The following WDR77 variants were observed in gnomAD, a reference collection of about 807,000 sequenced individuals.
The protein encoded by WDR77 is WD repeat domain 77, also known as methylosome protein WDR77.
In WDR77, 31 loss-of-function variants were observed where a neutral mutation model predicts 44.0. The observed-to-expected ratio is 0.70, with a 90% CI of 0.53 to 0.95. The LOEUF (loss-of-function observed/expected upper bound fraction) is 0.95, where lower values mean the gene tolerates loss of function less well. WDR77 is among the 40% of genes least tolerant of loss of function. The pLI, the probability that WDR77 is intolerant of heterozygous loss-of-function variation, is 0.00. For missense variants in WDR77, 390 were observed against 423.9 expected, an observed-to-expected ratio of 0.92 and a Z score of 0.70; for synonymous variants, 186 against 165.7, an observed-to-expected ratio of 1.12 and a Z score of -0.94.
chr1:111,443,810 A>T (rs1652910924), intron 6 of WDR77, 57 bp downstream of exon 6: 2 of 1,612,302 alleles, frequency 1.2e-6, no homozygotes, highest in African/African-American at 1.3e-5. Context: ...GGCCAAAGAC[A>T]GTCTCTTCTA....
chr1:111,446,939 T>A, intron 4 of WDR77, 156 bp downstream of exon 4: 1 of 721,978 alleles, frequency 1.4e-6, no homozygotes, highest in Non-Finnish European at 2.3e-6. Flanking sequence ...AACAAGGAAA[T>A]TGAGAAAAGG....
Position 111,440,593 on chromosome 1 carries a change from G to C in WDR77, c.*637C>G, listed in dbSNP as rs1328126674. 1 of 152,202 alleles carries C rather than the reference G, an allele frequency of 6.6e-6. No individual in the cohort carries two copies. Among genetic ancestry groups the C allele is most frequent in the Non-Finnish European group, 1.5e-5 (1 of 68,052 alleles). 9.4% of individuals were successfully genotyped at this position (152,202 alleles called of 1,614,324 possible). A position where few individuals can be genotyped will look rare whatever the true frequency, so the allele number is the denominator to read the frequency against. ...TGTCCCATCACTAGGGAGCCAGGGG[G>C]AAGGGAGTGGGCATTACACAGGCAA... On this transcript the variant is annotated 3_prime_UTR_variant, in exon 10 of 10. Transcript: ENST00000235090.
At chr1:111,441,680 C>T (rs1652821723) in intron 9 of WDR77, 2 of 963,084 alleles carry the variant, frequency 2.1e-6, no homozygotes, top group East Asian at 3.4e-5. Flanking sequence ...CAATTCAGGT[C>T]TTCCAGGTGC....
Position 111,441,397 on chromosome 1 carries a change from A to G in WDR77, c.870-8T>C. 2 of 1,489,000 alleles carry G rather than the reference A, an allele frequency of 1.3e-6. No individual in the cohort carries two copies. Among genetic ancestry groups the G allele is most frequent in the Non-Finnish European group, 1.8e-6 (2 of 1,113,658 alleles). The allele number at this position is 1,489,000 out of a possible 1,614,324, so 92.2% of individuals were successfully genotyped here. ...TGGGCTTGGCTTCTAAACCTAGAAGAAAGAAAAAAAGTCGGGGCAGAGTAG... is the reference window on the plus strand; with the variant it reads ...TGGGCTTGGCTTCTAAACCTAGAAGGAAGAAAAAAAGTCGGGGCAGAGTAG... On this transcript the variant is annotated splice_polypyrimidine_tract_variant and splice_region_variant and intron_variant, in intron 9 of 9. Coordinates refer to ENST00000235090, the MANE Select transcript of WDR77 (RefSeq NM_024102.4).
Position 111,448,777 on chromosome 1 carries a change from C to T in WDR77, c.143G>A (p.Ser48Asn), listed in dbSNP as rs7416672. 6 of 1,596,418 alleles carry T rather than the reference C, an allele frequency of 3.8e-6. No homozygotes were observed. Among genetic ancestry groups the T allele is most frequent in the Non-Finnish European group, 5.1e-6 (6 of 1,170,958 alleles). The change falls in exon 2 of 10, where the codon AGC becomes AAC. Residue 48 changes from serine to asparagine, a missense_variant. Transcript: ENST00000235090. ...GCCGGCCCAGCAGCGCCCACTCAGG[C>T]TGGAGGCCCCGAGGAGAAGCGCCCC... The part of the protein sequence containing the change: ...SDGALLLGAS[S>N]LSGRCWAGSL...
chr1:111,448,660 G>A lies in WDR77; in HGVS notation c.260C>T (p.Thr87Ile), dbSNP rs761944340. The change falls in exon 2 of 10, where the codon ACT becomes ATT. Residue 87 changes from threonine (T) to isoleucine (I), a missense_variant. Coordinates refer to ENST00000235090, the MANE Select transcript of WDR77 (RefSeq NM_024102.4). ...TAGAATACCTCTCTCCCCAACCCAA[G>A]TGAGGTCAGCCACTCCAGCCTCCGT... Reference protein sequence around the residue: ...VQTEAGVADLTWVGERGILVA... With the variant: ...VQTEAGVADLIWVGERGILVA... The A allele has an allele frequency of 1.2e-6, 2 of 1,614,184 alleles. No individual in the cohort carries two copies. Among genetic ancestry groups the A allele is most frequent in the African/African-American group, 2.7e-5 (2 of 75,052 alleles).
chr1:111,446,712 G>A (rs1368995410), intron 4 of WDR77: 1 of 175,800 alleles, frequency 5.7e-6, no homozygotes, highest in Admixed American at 6.2e-5. Context: ...CCAACCGATG[G>A]TGGGAAAACA....
At chr1:111,443,489 T>G in intron 6 of WDR77, 95 bp from the exon 7 acceptor site, 1 of 1,372,512 alleles carries the variant, frequency 7.3e-7, no homozygotes, top group Non-Finnish European at 1.0e-6. Flanking sequence ...AGCACCTTTA[T>G]TTGATTTCCC....
chr1:111,442,660 G>C lies in WDR77; in HGVS notation c.793C>G (p.Pro265Ala). Residue 265 changes from proline (P) to alanine (A), a missense_variant, in exon 8 of 10, where the codon CCA becomes GCA. By Grantham distance (27) the Pro-to-Ala change is conservative. Coordinates refer to ENST00000235090, the MANE Select transcript of WDR77 (RefSeq NM_024102.4). ...SQCVTGLVFS[P>A]HSVPFLASLS... Reference sequence around the variant, plus strand: ...GATGACAAAGAACAGTACCTGTGTGGGGAGAACACCAGCCCAGTGACACAC... The same window carrying C: ...GATGACAAAGAACAGTACCTGTGTGCGGAGAACACCAGCCCAGTGACACAC... 1 of 1,574,274 alleles carries C rather than the reference G, an allele frequency of 6.4e-7. No homozygotes were observed. Among genetic ancestry groups the C allele is most frequent in the East Asian group, 2.3e-5 (1 of 43,890 alleles).
chr1:111,448,935 G>A (rs1365410322), intron 1 of WDR77, 120 bp downstream of exon 1: 3 of 1,539,184 alleles, frequency 1.9e-6, no homozygotes, highest in East Asian at 2.4e-5. Flanking sequence ...GGACAGCTCG[G>A]TGACGCGACC....
intron 7 of WDR77, 36 bp from the exon 8 acceptor site, chr1:111,442,797 A>G: frequency 1.4e-6 from 2 of 1,425,398 alleles, no homozygotes; most frequent in Non-Finnish European, 1.9e-6. Context: ...AGTGATTAAG[A>G]GCATGGACTT....
chr1:111,449,063 T>C lies in WDR77; in HGVS notation c.107A>G (p.Tyr36Cys). 6.3e-7 allele frequency: 1 copy of C among 1,590,868 alleles called. No homozygotes were observed. Among genetic ancestry groups the C allele is most frequent in the South Asian group, 1.1e-5 (1 of 87,804 alleles). The change falls in exon 1 of 10, where the codon TAC becomes TGC. Residue 36 changes from tyrosine (Y) to cysteine (C), a missense_variant. Coordinates refer to ENST00000235090, the MANE Select transcript of WDR77 (RefSeq NM_024102.4). ...CCGGGATCTCGGCTCACCGGACCGG[T>C]ACCGCGCAGCCTCCAACTGCCGTTC... The part of the protein sequence containing the change: ...CMERQLEAAR[Y>C]RSDGALLLGA...
chr1:111,446,950 A>G, intron 4 of WDR77, 145 bp downstream of exon 4: 1 of 784,704 alleles, frequency 1.3e-6, no homozygotes, highest in Non-Finnish European at 2.1e-6. Flanking sequence ...TGAGAAAAGG[A>G]CAAGGAGTAG....
chr1:111,441,386 A>C lies in WDR77; in HGVS notation c.873T>G (p.Phe291Leu), dbSNP rs527300883. 283 of 1,510,362 alleles carry C rather than the reference A, an allele frequency of 1.9e-4. 3 individuals are homozygous for C. In the South Asian group the frequency reaches 3.4e-3, roughly 18 times the overall value. 93.6% of individuals were successfully genotyped at this position (1,510,362 alleles called of 1,614,324 possible). A position where few individuals can be genotyped will look rare whatever the true frequency, so the allele number is the denominator to read the frequency against. Residue 291 changes from phenylalanine to leucine, a missense_variant, in exon 10 of 10, where the codon TTT becomes TTG. Phe to Leu is a conservative substitution (Grantham distance 22). Coordinates refer to ENST00000235090, the MANE Select transcript of WDR77 (RefSeq NM_024102.4). ...CAAAGTCTCTGTGGGCTTGGCTTCTAAACCTAGAAGAAAGAAAAAAAGTCG... is the reference window on the plus strand; with the variant it reads ...CAAAGTCTCTGTGGGCTTGGCTTCTCAACCTAGAAGAAAGAAAAAAAGTCG... ...AVLDSSLSEL[F>L]RSQAHRDFVR... is the part of the protein sequence containing the mutation.
chr1:111,444,273 C>T (rs1652931715), intron 4 of WDR77, 149 bp from the exon 5 acceptor site: 1 of 697,878 alleles, frequency 1.4e-6, no homozygotes. Context: ...ATGGATTAGA[C>T]AAAAGCTAAG....
chr1:111,444,032 GGAA>G lies in WDR77; in HGVS notation c.564+19_564+21del. The G allele has an allele frequency of 1.9e-6, 3 of 1,614,108 alleles. No homozygotes were observed. Among genetic ancestry groups the G allele is most frequent in the African/African-American group, 2.7e-5 (2 of 75,048 alleles). ...CTATGGATGGCTGGAGTGTGTTTAGGGAAGAAGGAGCTATCTCTTACCTCGCTG... is the reference window on the plus strand; with the variant it reads ...CTATGGATGGCTGGAGTGTGTTTAGGGAAGGAGCTATCTCTTACCTCGCTG... On this transcript the variant is annotated intron_variant, in intron 5 of 9. Coordinates refer to ENST00000235090, the MANE Select transcript of WDR77 (RefSeq NM_024102.4).
Position 111,442,726 on chromosome 1 carries a change from TG to T in WDR77, c.726del (p.Lys243ArgfsTer7), listed in dbSNP as rs1652866304. Reference sequence around the variant, plus strand: ...GAGCTCAGGACACAGCTTGTACTCTTGGTGTCCACAAGGGAGACTGTCCCAT... The same window carrying T: ...GAGCTCAGGACACAGCTTGTACTCTTGTGTCCACAAGGGAGACTGTCCCAT... ...DENGTVSLVD[T>X]KSTSCVLSSA... On this transcript the variant is annotated frameshift_variant, in exon 8 of 10. Coordinates refer to ENST00000235090, the MANE Select transcript of WDR77 (RefSeq NM_024102.4). LOFTEE classifies it high-confidence loss of function. 6.2e-7 allele frequency: 1 copy of T among 1,600,418 alleles called. No individual in the cohort carries two copies. The highest frequency in any genetic ancestry group is 8.5e-7 in the Non-Finnish European group (1 of 1,170,344).
At chr1:111,442,251 T>C in intron 8 of WDR77, 158 bp from the exon 9 acceptor site, 2 of 672,936 alleles carry the variant, frequency 3.0e-6, no homozygotes, top group Non-Finnish European at 5.2e-6. Context: ...ACTAAAAGTT[T>C]CAAGTAAAGA....
chr1:111,443,504 C>A, intron 6 of WDR77, 110 bp from the exon 7 acceptor site: 1 of 1,307,000 alleles, frequency 7.7e-7, no homozygotes, highest in South Asian at 1.4e-5. Flanking sequence ...TTTCCCAAAC[C>A]CTGCTAAGGC....
Sources: allele counts gnomAD v4.1 joint callset, GRCh38; gene constraint gnomAD v4.1.1; transcripts MANE v1.5; gene names NCBI Gene and HGNC (gene_info 2026-07-23, HGNC 2026-07-21).